The following NPAS3 variants were observed in gnomAD, a reference collection of about 807,000 sequenced individuals.
NPAS3 encodes neuronal PAS domain-containing protein 3.
NPAS3 carries 14 observed loss-of-function variants against 73.1 expected under a neutral mutation model. The ratio of observed to expected loss-of-function variants is 0.19; its 90% confidence interval spans 0.13 to 0.30. NPAS3 has a LOEUF of 0.30. Ranked by LOEUF, NPAS3 falls within the 10% of genes least tolerant of loss-of-function variation. NPAS3 has a pLI of 1.00. For missense variants in NPAS3, 1,096 were observed against 1,250.0 expected, an observed-to-expected ratio of 0.88 and a Z score of 1.86; for synonymous variants, 620 against 541.5, an observed-to-expected ratio of 1.14 and a Z score of -2.01.
chr14:33,108,764 C>T (rs1566568526), intron 2 of NPAS3, among the ~76,000 whole-genome samples: 1 of 152,086 alleles, frequency 6.6e-6, no homozygotes, highest in African/African-American at 2.4e-5. Context: ...TTTTTAGGGT[C>T]ACTAAAATTC....
chr14:32,957,055 G>T (rs1190265014), intron 1 of NPAS3, among the ~76,000 whole-genome samples: 1 of 152,098 alleles, frequency 6.6e-6, no homozygotes, highest in Non-Finnish European at 1.5e-5. Flanking sequence ...TAGTTAATTT[G>T]TCCAAATTAA....
chr14:33,306,513 G>A (rs1339729568), intron 3 of NPAS3, among the ~76,000 whole-genome samples: 3 of 152,062 alleles, frequency 2.0e-5, no homozygotes, highest in African/African-American at 7.2e-5. Flanking sequence ...GCCTTTAATT[G>A]CATTTAAATT....
intron 3 of NPAS3, among the ~76,000 whole-genome samples, chr14:33,262,614 A>G (rs974111799): frequency 3.8e-4 from 58 of 152,276 alleles, no homozygotes; most frequent in African/African-American, 1.3e-3. Context: ...TTTTATTACA[A>G]TTTTTTTAAA....
intron 5 of NPAS3, among the ~76,000 whole-genome samples, chr14:33,664,323 A>C (rs956487986): frequency 3.9e-5 from 6 of 152,210 alleles, no homozygotes; most frequent in African/African-American, 1.4e-4. Flanking sequence ...CATATGCAGA[A>C]AACTGAAACT....
chr14:32,941,003 C>T (rs1279234052), intron 1 of NPAS3, among the ~76,000 whole-genome samples: 1 of 152,128 alleles, frequency 6.6e-6, no homozygotes, highest in Non-Finnish European at 1.5e-5. Context: ...GAAAATCTGA[C>T]AACTCATACA....
intron 7 of NPAS3, among the ~76,000 whole-genome samples, chr14:33,771,480 A>G (rs1156788550): frequency 6.6e-6 from 1 of 152,148 alleles, no homozygotes; most frequent in African/African-American, 2.4e-5. Flanking sequence ...TTATAAATGA[A>G]ATCTTTTCAA....
intron 3 of NPAS3, among the ~76,000 whole-genome samples, chr14:33,313,918 A>G (rs1425442070): frequency 6.6e-6 from 1 of 152,052 alleles, no homozygotes; most frequent in Non-Finnish European, 1.5e-5. Context: ...TTCAAATGTT[A>G]TGCATAATTC....
At chr14:33,466,418 C>G (rs1053809830) in intron 4 of NPAS3, among the ~76,000 whole-genome samples, 11 of 152,120 alleles carry the variant, frequency 7.2e-5, no homozygotes, top group Non-Finnish European at 1.2e-4. Flanking sequence ...TAGCCATCAC[C>G]AGTTTGGTTA....
chr14:33,565,351 A>C (rs2055874141), intron 5 of NPAS3, among the ~76,000 whole-genome samples: 1 of 152,236 alleles, frequency 6.6e-6, no homozygotes, highest in Non-Finnish European at 1.5e-5. Context: ...TCTATTTGTG[A>C]AGCTATTCTG....
At chr14:33,247,787 CT>C (rs1274747968) in intron 3 of NPAS3, among the ~76,000 whole-genome samples, 2 of 152,128 alleles carry the variant, frequency 1.3e-5, no homozygotes, top group African/African-American at 2.4e-5. Flanking sequence ...GCTAATAGCA[CT>C]TTTTTATTTT....
intron 2 of NPAS3, among the ~76,000 whole-genome samples, chr14:33,076,313 G>A (rs1424038378): frequency 1.3e-5 from 2 of 152,126 alleles, no homozygotes; most frequent in African/African-American, 4.8e-5. Context: ...CCTTGGGCAG[G>A]GGCATTTTAT....
chr14:33,735,352 G>A lies in NPAS3; in HGVS notation c.852+20G>A. On this transcript the variant is annotated intron_variant, in intron 7 of 11. Transcript: ENST00000356141. ...TATAAGGTAAGCCGGTTCCGGGAGG[G>A]GAGACATTGCTGTCTCAGGCCAGTC... The A allele has an allele frequency of 3.2e-6, 5 of 1,545,684 alleles. No homozygotes were observed. Among genetic ancestry groups the A allele is most frequent in the South Asian group, 1.1e-5 (1 of 89,724 alleles).
intron 2 of NPAS3, among the ~76,000 whole-genome samples, chr14:33,091,189 A>G (rs1307344711): frequency 2.0e-5 from 3 of 152,200 alleles, no homozygotes; most frequent in East Asian, 1.9e-4. Flanking sequence ...CAAAAAATCA[A>G]TGAATCCAGG....
At chr14:33,511,399 A>G (rs1472798929) in intron 4 of NPAS3, among the ~76,000 whole-genome samples, 1 of 152,078 alleles carries the variant, frequency 6.6e-6, no homozygotes, top group Non-Finnish European at 1.5e-5. Context: ...GTTTCACCAG[A>G]CAATTCAATT....
chr14:33,105,479 C>A (rs980169928), intron 2 of NPAS3, among the ~76,000 whole-genome samples: 2 of 152,112 alleles, frequency 1.3e-5, no homozygotes, highest in African/African-American at 2.4e-5. Context: ...TTTCAGTTCT[C>A]AACCTACCTC....
At chr14:33,272,639 A>T (rs572664644) in intron 3 of NPAS3, among the ~76,000 whole-genome samples, 54 of 151,762 alleles carry the variant, frequency 3.6e-4, no homozygotes, top group Admixed American at 1.3e-3. Flanking sequence ...CTGGTCTTGA[A>T]CTCCTGATCT....
intron 4 of NPAS3, 45 bp from the exon 5 acceptor site, chr14:33,560,076 T>C (rs1490388615): frequency 2.6e-6 from 2 of 757,634 alleles, no homozygotes; most frequent in Non-Finnish European, 4.5e-6. Flanking sequence ...ATCTGCATCC[T>C]TTGTATTTAT....
At chr14:33,368,853 G>A (rs2045956802) in intron 4 of NPAS3, among the ~76,000 whole-genome samples, 1 of 152,088 alleles carries the variant, frequency 6.6e-6, no homozygotes, top group African/African-American at 2.4e-5. Context: ...CATATAAATT[G>A]TTAGACTCTG....
chr14:32,964,159 C>T (rs937724169), intron 1 of NPAS3, among the ~76,000 whole-genome samples: 102 of 29,654 alleles, frequency 3.4e-3, no homozygotes, highest in African/African-American at 9.6e-3. Flanking sequence ...TTTTGCTGCA[C>T]TAAAAAAAAA....
Sources: allele counts gnomAD v4.1 joint callset (sites outside exome capture counted in the v4.1 genomes callset), GRCh38; gene constraint gnomAD v4.1.1; transcripts MANE v1.5; gene names NCBI Gene and HGNC (gene_info 2026-07-23, HGNC 2026-07-21).